UBE2Q2: variants seen among roughly 807,000 people sequenced by gnomAD.
UBE2Q2 encodes ubiquitin-conjugating enzyme E2 Q2.
A neutral mutation model predicts 59.9 loss-of-function variants in UBE2Q2; 54 were observed. The ratio of observed to expected loss-of-function variants is 0.90; its 90% CI spans 0.72 to 1.13. The LOEUF (loss-of-function observed/expected upper bound fraction) is 1.13, where lower values mean the gene tolerates loss of function less well. Among genes scored for constraint, UBE2Q2 ranks in the 50% most tolerant of loss-of-function variants. UBE2Q2 has a pLI of 0.00. For synonymous variants in UBE2Q2, 165 were observed against 155.2 expected (o/e 1.06, Z -0.47); for missense variants, 433 against 441.9 (o/e 0.98, Z 0.18).
At chr15:75,884,064 AG>A (rs955274536) in intron 9 of UBE2Q2, among the ~76,000 whole-genome samples, 1 of 152,186 alleles carries the variant, frequency 6.6e-6, no homozygotes, top group African/African-American at 2.4e-5. Flanking sequence ...TAATACTTGC[AG>A]TTTATTAGGG....
intron 11 of UBE2Q2, among the ~76,000 whole-genome samples, chr15:75,895,769 T>C (rs957863603): frequency 1.3e-5 from 2 of 152,126 alleles, no homozygotes; most frequent in African/African-American, 2.4e-5. Flanking sequence ...CGAGGCACTC[T>C]TACAGATGGC....
At chr15:75,854,626 T>G in intron 2 of UBE2Q2, 139 bp downstream of exon 2, 1 of 545,848 alleles carries the variant, frequency 1.8e-6, no homozygotes, top group East Asian at 3.3e-5. Context: ...TTGTTTGTTT[T>G]TTTTCCTTCA....
chr15:75,897,074 CA>C lies in UBE2Q2; in HGVS notation c.1096+15del, dbSNP rs768006607. 29 of 1,497,658 alleles carry C rather than the reference CA, an allele frequency of 1.9e-5. No homozygotes were observed. The East Asian group carries it at 6.0e-4, about 31-fold the overall frequency. 92.8% of individuals were successfully genotyped at this position (1,497,658 alleles called of 1,614,324 possible). A position where few individuals can be genotyped will look rare whatever the true frequency, so the allele number is the denominator to read the frequency against. Reference sequence around the variant, plus strand: ...CATGAGAAAAATGGTATGTTTAATTCAATAAGTGTTTATTGCCATTTAAGAA... The same window carrying C: ...CATGAGAAAAATGGTATGTTTAATTCATAAGTGTTTATTGCCATTTAAGAA... On this transcript the variant is annotated intron_variant, in intron 12 of 12. Transcript: ENST00000267938.
chr15:75,874,618 A>T (rs1426285656), intron 5 of UBE2Q2, among the ~76,000 whole-genome samples: 6 of 152,142 alleles, frequency 3.9e-5, no homozygotes, highest in Admixed American at 3.3e-4. Flanking sequence ...AAGCAGCAGG[A>T]TGTGAAAAGA....
rs938821522 is a variant in UBE2Q2 at position 75,873,041 on chromosome 15, TTAAAC to T, written c.448-384_448-380del. The stretch of plus-strand genomic sequence containing the variant: ...TTATGCCTAAATTAGTGTTTATAGT[TTAAAC>T]TAGTTTCTTAGAATACAATTCTAGA... On this transcript the variant is annotated intron_variant, in intron 4 of 12. Coordinates refer to ENST00000267938, the MANE Select transcript of UBE2Q2 (RefSeq NM_173469.4). Among the ~76,000 whole-genome samples the T allele has an allele frequency of 9.8e-5, 15 of 152,360 alleles. No individual in the cohort carries two copies. In the South Asian group the frequency reaches 1.7e-3, roughly 17 times the overall value.
intron 1 of UBE2Q2, among the ~76,000 whole-genome samples, chr15:75,849,831 A>C (rs1234347174): frequency 6.6e-6 from 1 of 152,230 alleles, no homozygotes. Flanking sequence ...TGCTAGAAGC[A>C]CTTAAACATT....
intron 2 of UBE2Q2, among the ~76,000 whole-genome samples, chr15:75,859,056 T>C (rs1453299607): frequency 6.6e-6 from 1 of 152,208 alleles, no homozygotes; most frequent in Non-Finnish European, 1.5e-5. Context: ...AGTTGCCTTA[T>C]TAGATCCCAT....
chr15:75,870,563 T>G (rs1478569673), intron 4 of UBE2Q2, among the ~76,000 whole-genome samples: 1 of 152,100 alleles, frequency 6.6e-6, no homozygotes, highest in East Asian at 1.9e-4. Context: ...CTTTTTCCCC[T>G]CATAAGATAA....
intron 1 of UBE2Q2, among the ~76,000 whole-genome samples, chr15:75,849,116 A>T (rs912493938): frequency 3.9e-5 from 6 of 152,180 alleles, no homozygotes; most frequent in African/African-American, 1.4e-4. Flanking sequence ...TAGGTTAGCT[A>T]CTTGGTTGTT....
chr15:75,881,831 G>A (rs572229857), intron 8 of UBE2Q2, among the ~76,000 whole-genome samples: 2 of 152,180 alleles, frequency 1.3e-5, no homozygotes, highest in South Asian at 2.1e-4. Context: ...TTGGTGTTTC[G>A]GGCAGCATCT....
rs762728478 is a variant in UBE2Q2, at chr15:75,854,336, T to A, written c.181-50T>A. ...TTAGTGGTGTGGTTTAATTGCATAT[T>A]TGGGTTAGTCTGTATGTAAATGTTT... On this transcript the variant is annotated intron_variant, in intron 1 of 12. Transcript: ENST00000267938. 2.1e-6 allele frequency: 3 copies of A among 1,431,042 alleles called. No homozygotes were observed. The East Asian group carries it at 6.9e-5, about 33-fold the overall frequency. The allele number at this position is 1,431,042 out of a possible 1,614,324, so 88.6% of individuals were successfully genotyped here.
Position 75,868,119 on chromosome 15 carries a change from T to TGGG in UBE2Q2, c.388-832_388-831insGGG, listed in dbSNP as rs1287075784. Among the ~76,000 whole-genome samples, 27 of 152,272 alleles carry TGGG rather than the reference T, an allele frequency of 1.8e-4. No individual in the cohort carries two copies. The East Asian group carries it at 5.0e-3, about 28-fold the overall frequency. On this transcript the variant is annotated intron_variant, in intron 3 of 12. Transcript: ENST00000267938. The stretch of plus-strand genomic sequence containing the variant: ...AGAATTATTCCATCAGAGTGTCTAA[T>TGGG]AACAGATGCTTAGATACTGCCGAGA...
intron 1 of UBE2Q2, among the ~76,000 whole-genome samples, chr15:75,853,315 C>G (rs1896727996): frequency 6.6e-6 from 1 of 151,764 alleles, no homozygotes; most frequent in African/African-American, 2.4e-5. Flanking sequence ...AATAAAAATA[C>G]AAAAAATTAG....
At chr15:75,885,349 C>T (rs1053113223) in intron 9 of UBE2Q2, among the ~76,000 whole-genome samples, 1 of 152,042 alleles carries the variant, frequency 6.6e-6, no homozygotes, top group African/African-American at 2.4e-5. Flanking sequence ...ATCTCTTGAC[C>T]TCGTGATCCG....
intron 8 of UBE2Q2, among the ~76,000 whole-genome samples, chr15:75,881,900 A>G (rs1248851948): frequency 6.6e-6 from 1 of 152,218 alleles, no homozygotes; most frequent in Non-Finnish European, 1.5e-5. Flanking sequence ...AGATAAACTT[A>G]GGTTCATTTA....
intron 8 of UBE2Q2, among the ~76,000 whole-genome samples, chr15:75,882,407 A>G (rs1385212049): frequency 6.6e-6 from 1 of 152,184 alleles, no homozygotes; most frequent in Non-Finnish European, 1.5e-5. Flanking sequence ...ACTTTATGGA[A>G]TAGAGCCCGC....
intron 9 of UBE2Q2, among the ~76,000 whole-genome samples, chr15:75,888,322 C>T (rs1247018273): frequency 6.6e-6 from 1 of 152,162 alleles, no homozygotes; most frequent in Admixed American, 6.5e-5. Flanking sequence ...CTATCTTGGA[C>T]ATTTCATATA....
At chr15:75,888,665 C>T (rs1304689397) in intron 9 of UBE2Q2, among the ~76,000 whole-genome samples, 2 of 152,146 alleles carry the variant, frequency 1.3e-5, no homozygotes, top group African/African-American at 4.8e-5. Context: ...GAATCGGCCA[C>T]TTTTAGGTGT....
chr15:75,896,148 C>G (rs1899409050), intron 11 of UBE2Q2, among the ~76,000 whole-genome samples: 1 of 152,236 alleles, frequency 6.6e-6, no homozygotes, highest in South Asian at 2.1e-4. Flanking sequence ...TGGCTAATAA[C>G]AGTGGGCTGT....
Sources: gnomAD v4.1 joint callset for allele counts (sites outside exome capture counted in the v4.1 genomes callset) on GRCh38, gnomAD v4.1.1 for gene constraint, MANE v1.5 for transcripts, NCBI Gene and HGNC (gene_info 2026-07-23, HGNC 2026-07-21) for gene names.